SORCS1: variants seen among roughly 807,000 people sequenced by gnomAD.
SORCS1 encodes the protein VPS10 domain-containing receptor SorCS1.
Under a neutral mutation model 146.1 loss-of-function variants are expected in SORCS1, and 60 were observed. That is an observed-to-expected ratio of 0.41 (90% CI 0.33 to 0.51). SORCS1 has a LOEUF of 0.51. SORCS1 is among the 20% of genes least tolerant of loss of function. SORCS1 has a pLI of 0.21. For missense variants in SORCS1, 1,352 were observed against 1,487.6 expected, an observed-to-expected ratio of 0.91 and a Z score of 1.50; for synonymous variants, 637 against 584.0, an observed-to-expected ratio of 1.09 and a Z score of -1.31.
intron 16 of SORCS1, among the ~76,000 whole-genome samples, chr10:106,670,054 G>T (rs1318354): frequency 0.77 from 116,794 of 152,270 alleles, 47,310 homozygotes; most frequent in Non-Finnish European, 0.9. Context: ...TTCTTATACG[G>T]GTCAAGTATT....
chr10:106,829,463 A>T (rs1948445856), intron 3 of SORCS1, 111 bp downstream of exon 3: 2 of 700,730 alleles, frequency 2.9e-6, no homozygotes, highest in Non-Finnish European at 4.9e-6. Context: ...CCATCTTTAC[A>T]TTTCTAATCC....
chr10:107,157,076 C>G (rs939776244), intron 1 of SORCS1, among the ~76,000 whole-genome samples: 1 of 152,218 alleles, frequency 6.6e-6, no homozygotes, highest in Non-Finnish European at 1.5e-5. Flanking sequence ...CTCAGGAGCT[C>G]TACAGCCAAT....
intron 24 of SORCS1, among the ~76,000 whole-genome samples, chr10:106,581,313 C>T (rs1214733342): frequency 1.4e-5 from 2 of 138,494 alleles, no homozygotes; most frequent in South Asian, 2.4e-4. Context: ...GAACCTGAAT[C>T]GTCATACATA....
At chr10:107,127,898 T>A (rs770250735) in intron 1 of SORCS1, among the ~76,000 whole-genome samples, 1 of 152,246 alleles carries the variant, frequency 6.6e-6, no homozygotes, top group African/African-American at 2.4e-5. Context: ...TTACTAGCTG[T>A]GTGAACTTTG....
chr10:106,742,408 C>T (rs549800955), intron 5 of SORCS1, among the ~76,000 whole-genome samples: 2 of 152,108 alleles, frequency 1.3e-5, no homozygotes, highest in Non-Finnish European at 2.9e-5. Flanking sequence ...GAGATGGAGT[C>T]TAGCTCTGTT....
chr10:106,670,222 G>C (rs906193408), intron 16 of SORCS1, among the ~76,000 whole-genome samples: 1 of 152,212 alleles, frequency 6.6e-6, no homozygotes. Flanking sequence ...TCAATACTTT[G>C]TAAGCCTTAC....
At chr10:106,935,856 TTGTC>T (rs1162759407) in intron 2 of SORCS1, among the ~76,000 whole-genome samples, 1 of 152,210 alleles carries the variant, frequency 6.6e-6, no homozygotes, top group Non-Finnish European at 1.5e-5. Flanking sequence ...ACTGTTTTGA[TTGTC>T]TTTGCAAAAG....
At chr10:106,728,036 A>G (rs916310329) in intron 6 of SORCS1, among the ~76,000 whole-genome samples, 1 of 127,098 alleles carries the variant, frequency 7.9e-6, no homozygotes, top group Non-Finnish European at 1.7e-5. Context: ...GAAGTAAGCA[A>G]GACTTTTTTT....
chr10:106,620,146 C>T (rs1847640470), intron 20 of SORCS1: 1 of 261,784 alleles, frequency 3.8e-6, no homozygotes, highest in Non-Finnish European at 7.2e-6. Context: ...AATTTCTCTG[C>T]TAAGCTAGGG....
chr10:106,761,444 C>T lies in SORCS1; in HGVS notation c.959+144G>A, dbSNP rs544659359. ...GTGTTTCTTACTCTAATGTCACATC[C>T]TGCCCTGAGGGGATGTGGGCATGTC... On this transcript the variant is annotated intron_variant, in intron 5 of 25. Coordinates refer to ENST00000263054, the MANE Select transcript of SORCS1 (RefSeq NM_052918.5). 47 of 653,172 alleles carry T rather than the reference C, an allele frequency of 7.2e-5. No individual in the cohort carries two copies. In the South Asian group the frequency reaches 8.9e-4, roughly 12 times the overall value. The allele number at this position is 653,172 out of a possible 1,614,324, so 40.5% of individuals were successfully genotyped here. A position where few individuals can be genotyped will look rare whatever the true frequency, so the allele number is the denominator to read the frequency against.
intron 3 of SORCS1, among the ~76,000 whole-genome samples, chr10:106,800,003 C>T (rs1946781997): frequency 6.6e-6 from 1 of 152,146 alleles, no homozygotes; most frequent in Admixed American, 6.5e-5. Context: ...CTATTATATG[C>T]ATTGCCACAA....
At chr10:107,096,921 C>T (rs1204731821) in intron 1 of SORCS1, among the ~76,000 whole-genome samples, 1 of 152,172 alleles carries the variant, frequency 6.6e-6, no homozygotes, top group African/African-American at 2.4e-5. Flanking sequence ...GTAGATTGCC[C>T]ATCTCATTTC....
intron 1 of SORCS1, among the ~76,000 whole-genome samples, chr10:107,142,268 T>C (rs1967908352): frequency 6.6e-6 from 1 of 152,140 alleles, no homozygotes; most frequent in African/African-American, 2.4e-5. Flanking sequence ...GAGTTCCTAC[T>C]AGTGACTGAT....
chr10:106,579,762 T>G lies in SORCS1; in HGVS notation c.3266-288A>C, dbSNP rs145372803. ...ACTAGCTATGTGGTCTTGGGCAATT[T>G]GCTTCACCTTAATGTACCTTATGTG... On this transcript the variant is annotated intron_variant, in intron 24 of 25. Coordinates refer to ENST00000263054, the MANE Select transcript of SORCS1 (RefSeq NM_052918.5). Among the ~76,000 whole-genome samples the G allele has an allele frequency of 5.6e-4, 85 of 152,230 alleles. 2 individuals carry two copies. In the East Asian group the frequency reaches 0.016, roughly 29 times the overall value.
intron 8 of SORCS1, among the ~76,000 whole-genome samples, chr10:106,700,634 T>A (rs1854070527): frequency 6.6e-6 from 1 of 152,130 alleles, no homozygotes; most frequent in Admixed American, 6.5e-5. Context: ...ACCTAACTAC[T>A]AACCTAAATT....
chr10:106,799,216 T>C (rs543797015), intron 3 of SORCS1, among the ~76,000 whole-genome samples: 1 of 152,310 alleles, frequency 6.6e-6, no homozygotes, highest in East Asian at 1.9e-4. Context: ...TTACACCTTA[T>C]ACAAAAATTA....
intron 1 of SORCS1, among the ~76,000 whole-genome samples, chr10:107,120,511 A>C (rs1003643047): frequency 6.6e-6 from 1 of 152,242 alleles, no homozygotes; most frequent in African/African-American, 2.4e-5. Flanking sequence ...AGCAAATCAC[A>C]GCAGTGATAC....
intron 5 of SORCS1, among the ~76,000 whole-genome samples, chr10:106,760,320 T>G (rs2136241975): frequency 6.6e-6 from 1 of 151,570 alleles, no homozygotes; most frequent in East Asian, 2.0e-4. Context: ...GGTGGGCGCC[T>G]GTAGTCCCAG....
At chr10:106,822,630 C>T (rs978247175) in intron 3 of SORCS1, among the ~76,000 whole-genome samples, 5 of 151,902 alleles carry the variant, frequency 3.3e-5, no homozygotes, top group East Asian at 1.9e-4. Flanking sequence ...AAACACTCAG[C>T]GGTACCCAAA....
Sources: allele counts gnomAD v4.1 joint callset (sites outside exome capture counted in the v4.1 genomes callset), GRCh38; gene constraint gnomAD v4.1.1; transcripts MANE v1.5; gene names NCBI Gene and HGNC (gene_info 2026-07-23, HGNC 2026-07-21).